RBFOX3: variants seen among roughly 807,000 people sequenced by gnomAD.
RBFOX3 encodes the protein RNA binding fox-1 homolog 3, also known as RNA binding protein fox-1 homolog 3.
Under a neutral mutation model 48.7 loss-of-function variants are expected in RBFOX3, and 17 were observed. The observed-to-expected ratio is 0.35, with a 90% CI of 0.24 to 0.52. The LOEUF is 0.52. Among genes scored for constraint, RBFOX3 ranks in the 20% least tolerant of loss-of-function variants. RBFOX3 has a pLI of 0.94. For synonymous variants in RBFOX3, 212 were observed against 209.5 expected, an observed-to-expected ratio of 1.01 and a Z score of -0.10; for missense variants, 382 against 497.5, an observed-to-expected ratio of 0.77 and a Z score of 2.21.
intron 4 of RBFOX3, among the ~76,000 whole-genome samples, chr17:79,184,604 C>G (rs1038273632): frequency 2.0e-5 from 3 of 152,244 alleles, no homozygotes; most frequent in Non-Finnish European, 4.4e-5. Flanking sequence ...GAGGGATGGG[C>G]TGCCAGTGGC....
chr17:79,234,859 T>G (rs953888137), intron 4 of RBFOX3: 3 of 150,252 alleles, frequency 2.0e-5, no homozygotes, highest in Admixed American at 6.7e-5. Flanking sequence ...GGCCTACCAG[T>G]AGCTGGGACT....
intron 4 of RBFOX3, among the ~76,000 whole-genome samples, chr17:79,177,126 G>T (rs1213027402): frequency 6.6e-6 from 1 of 152,108 alleles, no homozygotes; most frequent in Non-Finnish European, 1.5e-5. Flanking sequence ...GTGCCACATG[G>T]GCCTAGCCTG....
chr17:79,407,301 C>G (rs1193480352), intron 2 of RBFOX3, among the ~76,000 whole-genome samples: 2 of 152,258 alleles, frequency 1.3e-5, no homozygotes, highest in African/African-American at 2.4e-5. Flanking sequence ...AGCCACCTTG[C>G]CTGCCCTGTT....
intron 3 of RBFOX3, among the ~76,000 whole-genome samples, chr17:79,273,478 T>G (rs898537): frequency 0.66 from 100,363 of 151,204 alleles, 33,536 homozygotes; most frequent in East Asian, 0.81. Context: ...CTTCACATAG[T>G]AGGCTGCCCT....
At chr17:79,368,706 G>A (rs565573870) in intron 2 of RBFOX3, among the ~76,000 whole-genome samples, 8 of 152,270 alleles carry the variant, frequency 5.3e-5, no homozygotes, top group East Asian at 1.9e-4. Context: ...ATGCTGGTCC[G>A]AGGCCCCACG....
intron 2 of RBFOX3, among the ~76,000 whole-genome samples, chr17:79,357,877 A>G (rs951579708): frequency 6.6e-6 from 1 of 151,696 alleles, no homozygotes; most frequent in Non-Finnish European, 1.5e-5. Flanking sequence ...AAAAATCAGT[A>G]AATTGAAGTT....
At chr17:79,247,928 C>A (rs886567520) in intron 3 of RBFOX3, among the ~76,000 whole-genome samples, 5 of 152,164 alleles carry the variant, frequency 3.3e-5, no homozygotes, top group Non-Finnish European at 7.3e-5. Flanking sequence ...TGAAAGGCAG[C>A]CCAACCCTTA....
chr17:79,631,011 A>G, the RBFOX3 span, among the ~76,000 whole-genome samples: 3 of 152,158 alleles, frequency 2.0e-5, no homozygotes, highest in African/African-American at 4.8e-5. Flanking sequence ...CGTCAGAGCC[A>G]GAGTCCACTC....
At chr17:79,498,922 A>G (rs1555776103) in intron 1 of RBFOX3, among the ~76,000 whole-genome samples, 1 of 150,440 alleles carries the variant, frequency 6.6e-6, no homozygotes, top group East Asian at 2.0e-4. Flanking sequence ...CTACCCATCC[A>G]TCCACTCATC....
chr17:79,131,025 A>G (rs2038730054), intron 4 of RBFOX3, among the ~76,000 whole-genome samples: 1 of 150,944 alleles, frequency 6.6e-6, no homozygotes, highest in Admixed American at 6.6e-5. Flanking sequence ...TGTGTGCCCC[A>G]TGTGTGCTGT....
intron 1 of RBFOX3, among the ~76,000 whole-genome samples, chr17:79,484,171 G>A (rs1354314212): frequency 2.0e-5 from 3 of 152,150 alleles, no homozygotes; most frequent in Non-Finnish European, 4.4e-5. Context: ...TCACAACGGA[G>A]TTTTAAACAG....
chr17:79,403,729 C>T (rs1048183252), intron 2 of RBFOX3, among the ~76,000 whole-genome samples: 1 of 152,126 alleles, frequency 6.6e-6, no homozygotes, highest in Non-Finnish European at 1.5e-5. Context: ...GCAAACCTGC[C>T]CAGGCCCCGT....
intron 4 of RBFOX3, among the ~76,000 whole-genome samples, chr17:79,179,836 C>T (rs748318388): frequency 6.6e-6 from 1 of 152,192 alleles, no homozygotes; most frequent in Non-Finnish European, 1.5e-5. Context: ...ACCCTCCTCA[C>T]TGGCCATCAT....
chr17:79,565,514 T>C (rs1392923977), intron 1 of RBFOX3, among the ~76,000 whole-genome samples: 2 of 152,042 alleles, frequency 1.3e-5, no homozygotes, highest in African/African-American at 4.8e-5. Flanking sequence ...AATTTTTTTG[T>C]ATTTTTAGTA....
At chr17:79,148,051 G>A (rs2043423854) in intron 4 of RBFOX3, among the ~76,000 whole-genome samples, 1 of 152,218 alleles carries the variant, frequency 6.6e-6, no homozygotes, top group Admixed American at 6.5e-5. Flanking sequence ...CCAGGCTCTG[G>A]CCTGTGACCA....
Position 79,520,053 on chromosome 17 carries a change from C to A in RBFOX3, c.-319-37455G>T, listed in dbSNP as rs902390056. ...ACAAAGCCCGTTGAAAGTCACCAAG[C>A]CAGGTCTCCCCTGTGCAGTCGAGGA... On this transcript the variant is annotated intron_variant, in intron 1 of 14. Coordinates refer to ENST00000693108, the MANE Select transcript of RBFOX3 (RefSeq NM_001350451.2). Among the ~76,000 whole-genome samples the A allele has an allele frequency of 1.3e-4, 20 of 152,328 alleles. No individual in the cohort carries two copies. The East Asian group carries it at 3.5e-3, about 26-fold the overall frequency.
At chr17:79,603,038 T>C (rs990051122) in intron 1 of RBFOX3, among the ~76,000 whole-genome samples, 6,054 of 145,312 alleles carry the variant, frequency 0.042, 419 homozygotes, top group African/African-American at 0.15. Context: ...TTGCCCAGAC[T>C]GGAGTGCAGC....
intron 1 of RBFOX3, among the ~76,000 whole-genome samples, chr17:79,580,125 C>T (rs1416218017): frequency 6.6e-6 from 1 of 152,000 alleles, no homozygotes; most frequent in African/African-American, 2.4e-5. Context: ...GTCCCATCTC[C>T]TGAGTGCCCC....
intron 2 of RBFOX3, among the ~76,000 whole-genome samples, chr17:79,379,059 C>T (rs554249392): frequency 3.9e-5 from 6 of 152,290 alleles, no homozygotes; most frequent in African/African-American, 7.2e-5. Flanking sequence ...ACTGGGGAAG[C>T]TGTCACAGGG....
Sources: gnomAD v4.1 joint callset for allele counts (sites outside exome capture counted in the v4.1 genomes callset) on GRCh38, gnomAD v4.1.1 for gene constraint, MANE v1.5 for transcripts, NCBI Gene and HGNC (gene_info 2026-07-23, HGNC 2026-07-21) for gene names.